Variants in MSI2 observed in about 807,000 individuals in gnomAD.
MSI2 encodes the protein musashi RNA binding protein 2, also known as RNA-binding protein Musashi homolog 2.
Under a neutral mutation model 45.6 loss-of-function variants are expected in MSI2, and 17 were observed. The observed-to-expected ratio is 0.37, with a 90% CI of 0.26 to 0.56. MSI2 has a LOEUF of 0.56. Among genes scored for constraint, MSI2 ranks in the 20% least tolerant of loss-of-function variants. MSI2 has a pLI of 0.77. For synonymous variants in MSI2, 156 were observed against 158.2 expected (o/e 0.99, Z 0.11); for missense variants, 293 against 444.2 (o/e 0.66, Z 3.06).
rs1277078370 is a variant in MSI2, at chr17:57,552,264, GT to G, written c.454+22542del. Among the ~76,000 whole-genome samples, 2 of 152,194 alleles carry G rather than the reference GT, an allele frequency of 1.3e-5. No individual in the cohort carries two copies. The highest frequency in any genetic ancestry group is 2.9e-5 in the Non-Finnish European group (2 of 68,038). ...GGGGAGTTGCAGCGGTCTAATTGAA[GT>G]TCAGAGTGATGTTCACTGGTCTGTA... On this transcript the variant is annotated intron_variant, in intron 7 of 13. Coordinates refer to ENST00000284073, the MANE Select transcript of MSI2 (RefSeq NM_138962.4). The surrounding 1 kb of genome is among the most constrained non-coding windows in gnomAD (Gnocchi z 4.3).
At chr17:57,272,030 G>A (rs1461885542) in intron 5 of MSI2, among the ~76,000 whole-genome samples, 1 of 152,154 alleles carries the variant, frequency 6.6e-6, no homozygotes, top group African/African-American at 2.4e-5. Flanking sequence ...TGACATTAAT[G>A]AGGTGACCGC....
At chr17:57,372,436 T>G (rs1184854897) in intron 5 of MSI2, among the ~76,000 whole-genome samples, 1 of 152,204 alleles carries the variant, frequency 6.6e-6, no homozygotes, top group South Asian at 2.1e-4. Flanking sequence ...TTTTACCGCT[T>G]GGGTTTACAA....
chr17:57,650,183 T>G (rs1456920038), intron 10 of MSI2, among the ~76,000 whole-genome samples: 1 of 152,134 alleles, frequency 6.6e-6, no homozygotes, highest in African/African-American at 2.4e-5. Context: ...CAAGTCTTTA[T>G]TGACTACACT....
At chr17:57,563,728 TCA>T (rs371196033) in intron 7 of MSI2, among the ~76,000 whole-genome samples, 2 of 144,610 alleles carry the variant, frequency 1.4e-5, no homozygotes, top group African/African-American at 5.3e-5. Context: ...TCTTTCCCTC[TCA>T]CACACACACA....
chr17:57,503,167 C>G (rs974166622), intron 6 of MSI2, among the ~76,000 whole-genome samples: 3 of 152,064 alleles, frequency 2.0e-5, no homozygotes, highest in African/African-American at 7.2e-5. Flanking sequence ...GAGACTGATA[C>G]GAGTCCAAGG....
chr17:57,430,203 T>G (rs1440014655), intron 6 of MSI2, among the ~76,000 whole-genome samples: 3 of 152,220 alleles, frequency 2.0e-5, no homozygotes, highest in Admixed American at 2.0e-4. Context: ...CGAAGAAAAC[T>G]CACCTCAAAG....
intron 11 of MSI2, among the ~76,000 whole-genome samples, chr17:57,663,821 G>T (rs1912183161): frequency 6.6e-6 from 1 of 152,154 alleles, no homozygotes; most frequent in Admixed American, 6.5e-5. Flanking sequence ...GGCTTAAAGG[G>T]CACATTCCGT....
chr17:57,414,966 A>G lies in MSI2; in HGVS notation c.405+13495A>G, dbSNP rs986511889. On this transcript the variant is annotated intron_variant, in intron 6 of 13. Coordinates refer to ENST00000284073, the MANE Select transcript of MSI2 (RefSeq NM_138962.4). ...GGATGTCAGGAGGGTAAAAATTGGG[A>G]TATGCAACTCTGTTTCATCTTCTCT... Among the ~76,000 whole-genome samples, 35 of 152,270 alleles carry G rather than the reference A, an allele frequency of 2.3e-4. No individual in the cohort carries two copies. In the Middle Eastern group the frequency reaches 0.01, roughly 44 times the overall value.
chr17:57,522,494 G>A (rs1317477606), intron 6 of MSI2: 1 of 152,146 alleles, frequency 6.6e-6, no homozygotes, highest in African/African-American at 2.4e-5. Flanking sequence ...ACATTTCTCA[G>A]GGCATGCATC....
intron 6 of MSI2, among the ~76,000 whole-genome samples, chr17:57,421,016 C>T (rs13380814): frequency 0.041 from 6,210 of 152,212 alleles, 187 homozygotes; most frequent in South Asian, 0.067. Flanking sequence ...TGATTATGCT[C>T]GACTGGAGAC....
intron 10 of MSI2, among the ~76,000 whole-genome samples, chr17:57,642,762 G>T (rs1361826489): frequency 6.6e-6 from 1 of 152,206 alleles, no homozygotes; most frequent in Non-Finnish European, 1.5e-5. Flanking sequence ...GTATTTACTG[G>T]GAGGGCACAG....
chr17:57,553,075 C>A (rs781190592), intron 7 of MSI2, among the ~76,000 whole-genome samples: 5 of 152,176 alleles, frequency 3.3e-5, no homozygotes, highest in African/African-American at 7.2e-5. Flanking sequence ...AGACGCCTGG[C>A]CTATTCAAAA....
chr17:57,363,438 C>T, intron 5 of MSI2, among the ~76,000 whole-genome samples: 1 of 152,098 alleles, frequency 6.6e-6, no homozygotes, highest in East Asian at 1.9e-4. Context: ...GATATTTTAC[C>T]ACTGTAAAAA....
At chr17:57,379,771 G>T (rs148334239) in intron 5 of MSI2, among the ~76,000 whole-genome samples, 1 of 152,080 alleles carries the variant, frequency 6.6e-6, no homozygotes, top group Non-Finnish European at 1.5e-5. Flanking sequence ...GTGGCTATGC[G>T]TTCAGCACCC....
chr17:57,257,193 C>T, intron 2 of MSI2, 55 bp downstream of exon 2: 2 of 1,072,252 alleles, frequency 1.9e-6, no homozygotes, highest in South Asian at 1.4e-5. Flanking sequence ...TTCTTTATTG[C>T]TCTTTGTTAT....
intron 6 of MSI2, among the ~76,000 whole-genome samples, chr17:57,454,686 C>T (rs533925137): frequency 7.9e-5 from 12 of 152,270 alleles, no homozygotes; most frequent in East Asian, 5.8e-4. Context: ...CTACCCACCT[C>T]GGCCTCCCAA....
chr17:57,301,725 G>A (rs911117183), intron 5 of MSI2, among the ~76,000 whole-genome samples: 4 of 150,316 alleles, frequency 2.7e-5, no homozygotes, highest in African/African-American at 9.8e-5. Context: ...GGACATTTGA[G>A]TTGCCGAGTT....
intron 5 of MSI2, among the ~76,000 whole-genome samples, chr17:57,326,637 G>A (rs1008841549): frequency 7.2e-5 from 11 of 152,198 alleles, no homozygotes; most frequent in African/African-American, 2.7e-4. Context: ...TAACATTTAT[G>A]AAGCTCTCAC....
chr17:57,645,952 T>C (rs1011624666), intron 10 of MSI2, among the ~76,000 whole-genome samples: 1 of 152,150 alleles, frequency 6.6e-6, no homozygotes, highest in Non-Finnish European at 1.5e-5. Flanking sequence ...TCCAGGGACG[T>C]TGAATGTGCC....
Sources: allele counts gnomAD v4.1 joint callset (sites outside exome capture counted in the v4.1 genomes callset), GRCh38; gene constraint gnomAD v4.1.1; non-coding constraint Gnocchi (gnomAD v3.1); transcripts MANE v1.5; gene names NCBI Gene and HGNC (gene_info 2026-07-23, HGNC 2026-07-21).